The following ASTN1 variants were observed in gnomAD, a reference collection of about 807,000 sequenced individuals.
The protein encoded by ASTN1 is astrotactin-1.
In ASTN1, 41 loss-of-function variants were observed where a neutral mutation model predicts 140.7. That is an observed-to-expected ratio of 0.29 (90% CI 0.23 to 0.38). ASTN1 has a LOEUF of 0.38. ASTN1 is among the 10% of genes least tolerant of loss of function. ASTN1 has a pLI of 1.00. For synonymous variants in ASTN1, 640 were observed against 652.2 expected (o/e 0.98, Z 0.29); for missense variants, 1,479 against 1,678.8 (o/e 0.88, Z 2.08).
chr1:177,067,601 C>T (rs904376372), intron 1 of ASTN1, among the ~76,000 whole-genome samples: 2 of 152,198 alleles, frequency 1.3e-5, no homozygotes, highest in South Asian at 2.1e-4. Context: ...ACTTTCAACA[C>T]CTTTGTAAGA....
At chr1:176,857,846 T>C (rs1571419652), downstream of ASTN1, among the ~76,000 whole-genome samples, 1 of 152,244 alleles carries the variant, frequency 6.6e-6, no homozygotes, top group South Asian at 2.1e-4. Context: ...CAGCCTTAGT[T>C]TTATCTGTGG....
At chr1:177,159,647 A>T (rs547028551) in intron 1 of ASTN1, among the ~76,000 whole-genome samples, 1 of 152,352 alleles carries the variant, frequency 6.6e-6, no homozygotes, top group South Asian at 2.1e-4. Context: ...AGACCACCCA[A>T]TACAAAGATC....
chr1:177,153,207 G>C (rs537371856), intron 1 of ASTN1, among the ~76,000 whole-genome samples: 2 of 152,208 alleles, frequency 1.3e-5, no homozygotes, highest in Admixed American at 1.3e-4. Context: ...TCTAAGAGCT[G>C]GTTGTTAAGA....
In ASTN1 at chr1:177,062,238, CT is replaced by C. The variant is rs950680174; in HGVS notation, c.284-974del. 6.0e-4 allele frequency among the ~76,000 whole-genome samples: 87 copies of C among 145,424 alleles called. 1 individual carries two copies. Among genetic ancestry groups the C allele is most frequent in the African/African-American group, 1.0e-3 (40 of 39,724 alleles). On this transcript the variant is annotated intron_variant, in intron 1 of 22. Coordinates refer to ENST00000361833, the MANE Select transcript of ASTN1 (RefSeq NM_004319.3). ...TAAACCATTGCTTTACAAAATTTTTCTTTTTTTTTTTCTTTTTTTTAAGCAA... is the reference window on the plus strand; with the variant it reads ...TAAACCATTGCTTTACAAAATTTTTCTTTTTTTTTTCTTTTTTTTAAGCAA...
intron 16 of ASTN1, among the ~76,000 whole-genome samples, chr1:176,914,705 A>T (rs374475883): frequency 5.3e-5 from 8 of 152,194 alleles, no homozygotes; most frequent in African/African-American, 1.9e-4. Context: ...ATTTGAATGA[A>T]TCGTAGACCG....
chr1:176,954,440 G>A (rs1032741706), intron 11 of ASTN1, among the ~76,000 whole-genome samples: 8 of 152,184 alleles, frequency 5.3e-5, no homozygotes, highest in Non-Finnish European at 1.0e-4. Flanking sequence ...ATTCCCCCTA[G>A]AGCCTCCAGA....
intron 16 of ASTN1, among the ~76,000 whole-genome samples, chr1:176,900,933 AC>A (rs1348437174): frequency 6.6e-6 from 1 of 152,214 alleles, no homozygotes; most frequent in Admixed American, 6.5e-5. Flanking sequence ...TATGTAATAC[AC>A]ACTAATGTAT....
chr1:177,064,911 T>A (rs1467096970), intron 1 of ASTN1, among the ~76,000 whole-genome samples: 1 of 152,204 alleles, frequency 6.6e-6, no homozygotes, highest in Non-Finnish European at 1.5e-5. Context: ...AAGTGTCTTG[T>A]GAGTTTCTTA....
rs537007721 is a variant in ASTN1, at chr1:176,898,215, G to A, written c.2672-3385C>T. ...GGAAGGATGTAGAAATCCGTGGAGGGAACCCACCAAACTCTTGTTTTAATT... is the reference window on the plus strand; with the variant it reads ...GGAAGGATGTAGAAATCCGTGGAGGAAACCCACCAAACTCTTGTTTTAATT... On this transcript the variant is annotated intron_variant, in intron 16 of 22. Coordinates refer to ENST00000361833, the MANE Select transcript of ASTN1 (RefSeq NM_004319.3). Among the ~76,000 whole-genome samples the A allele has an allele frequency of 2.0e-5, 3 of 152,290 alleles. No individual in the cohort carries two copies. In the East Asian group the frequency reaches 5.8e-4, roughly 29 times the overall value.
chr1:177,100,911 G>A (rs1248694187), intron 1 of ASTN1, among the ~76,000 whole-genome samples: 2 of 152,162 alleles, frequency 1.3e-5, no homozygotes, highest in East Asian at 3.9e-4. Context: ...TGGCCAACAT[G>A]GTAAAACTCC....
At chr1:176,858,216 T>C (rs1039452329), downstream of ASTN1, among the ~76,000 whole-genome samples, 1 of 152,200 alleles carries the variant, frequency 6.6e-6, no homozygotes, top group Non-Finnish European at 1.5e-5. Flanking sequence ...CAAAGAGTTT[T>C]ATTTATTTAT....
intron 16 of ASTN1, among the ~76,000 whole-genome samples, chr1:176,907,656 G>A (rs1010593395): frequency 9.2e-5 from 14 of 152,192 alleles, no homozygotes; most frequent in African/African-American, 2.9e-4. Context: ...TTCTTGTCAA[G>A]AAGGGACTTC....
At position 176,939,147 on chromosome 1, in the gene ASTN1, AAGTATCAT is replaced by A. The variant is rs1332441302; in HGVS notation, c.2378-2785_2378-2778del. ...AAAGAAAGTTCTTTGAGAAAAGAGA[AAGTATCAT>A]AGTATCATACACATACATGGCCTCC... On this transcript the variant is annotated intron_variant, in intron 14 of 22. Transcript: ENST00000361833. 9.9e-5 allele frequency among the ~76,000 whole-genome samples: 15 copies of A among 152,208 alleles called. No individual in the cohort carries two copies. In the East Asian group the frequency reaches 2.9e-3, roughly 29 times the overall value.
At chr1:176,908,149 A>T (rs973651917) in intron 16 of ASTN1, among the ~76,000 whole-genome samples, 2 of 151,876 alleles carry the variant, frequency 1.3e-5, no homozygotes, top group South Asian at 2.1e-4. Context: ...ACACACACAC[A>T]CACACACACA....
intron 7 of ASTN1, among the ~76,000 whole-genome samples, chr1:177,016,512 C>T (rs767128731): frequency 1.3e-4 from 20 of 151,958 alleles, no homozygotes; most frequent in African/African-American, 3.4e-4. Context: ...AGATGGTTGA[C>T]GATAAGGTTT....
chr1:177,105,000 G>T (rs1558098228), intron 1 of ASTN1, among the ~76,000 whole-genome samples: 1 of 152,114 alleles, frequency 6.6e-6, no homozygotes. Flanking sequence ...ACTTAGCCTG[G>T]CTCACAGAGT....
intron 1 of ASTN1, among the ~76,000 whole-genome samples, chr1:177,068,807 T>G (rs1678490889): frequency 6.6e-6 from 1 of 151,546 alleles, no homozygotes; most frequent in Non-Finnish European, 1.5e-5. Flanking sequence ...TTTCTTTTTT[T>G]CCTTCTTTCT....
chr1:176,889,859 AC>A (rs1472728628), intron 17 of ASTN1, among the ~76,000 whole-genome samples: 8 of 152,246 alleles, frequency 5.3e-5, no homozygotes, highest in Non-Finnish European at 5.9e-5. Context: ...GTTCAACATG[AC>A]TCACTGGACA....
intron 8 of ASTN1, among the ~76,000 whole-genome samples, chr1:177,005,131 A>G (rs563691102): frequency 2.0e-5 from 3 of 152,362 alleles, no homozygotes; most frequent in African/African-American, 7.2e-5. Flanking sequence ...AGGAATTCAT[A>G]TAAATCAGCA....
Sources: gnomAD v4.1 joint callset for allele counts (sites outside exome capture counted in the v4.1 genomes callset) on GRCh38, gnomAD v4.1.1 for gene constraint, MANE v1.5 for transcripts, NCBI Gene and HGNC (gene_info 2026-07-23, HGNC 2026-07-21) for gene names.